The following CEMIP variants were observed in gnomAD, a reference collection of about 807,000 sequenced individuals.
CEMIP encodes the protein cell migration-inducing and hyaluronan-binding protein.
In CEMIP, 105 loss-of-function variants were observed where a neutral mutation model predicts 156.9. The observed-to-expected ratio is 0.67, with a 90% CI of 0.57 to 0.79. CEMIP has a LOEUF of 0.79. Ranked by LOEUF, CEMIP falls within the 30% of genes least tolerant of loss-of-function variation. CEMIP has a pLI of 0.00. For missense variants in CEMIP, 1,457 were observed against 1,769.4 expected, an observed-to-expected ratio of 0.82 and a Z score of 3.17; for synonymous variants, 676 against 668.4, an observed-to-expected ratio of 1.01 and a Z score of -0.17.
intron 19 of CEMIP, among the ~76,000 whole-genome samples, chr15:80,927,238 G>A (rs1900730555): frequency 6.6e-6 from 1 of 152,222 alleles, no homozygotes; most frequent in Non-Finnish European, 1.5e-5. Flanking sequence ...GGGGAAGGGG[G>A]CAGGGTTGTT....
At chr15:80,927,079 T>C (rs895855513) in intron 19 of CEMIP, among the ~76,000 whole-genome samples, 9 of 152,248 alleles carry the variant, frequency 5.9e-5, no homozygotes, top group African/African-American at 1.7e-4. Flanking sequence ...TTCGCCCGCC[T>C]TGGCCTCCCA....
At chr15:80,831,579 G>C (rs1197326933) in intron 1 of CEMIP, among the ~76,000 whole-genome samples, 1 of 152,164 alleles carries the variant, frequency 6.6e-6, no homozygotes, top group Admixed American at 6.5e-5. Flanking sequence ...AAGCCAATGG[G>C]TAGGGAAAGA....
chr15:80,842,553 G>T (rs1051172219), intron 1 of CEMIP, among the ~76,000 whole-genome samples: 2 of 152,226 alleles, frequency 1.3e-5, no homozygotes, highest in Admixed American at 6.5e-5. Context: ...CCAACATGGT[G>T]AAACCCCATC....
intron 1 of CEMIP, among the ~76,000 whole-genome samples, chr15:80,859,428 T>C (rs1458169726): frequency 1.3e-5 from 2 of 152,256 alleles, no homozygotes; most frequent in African/African-American, 2.4e-5. Flanking sequence ...AGACATCTAG[T>C]TCTGGGAGCA....
chr15:80,845,430 C>A (rs753156446), intron 1 of CEMIP, among the ~76,000 whole-genome samples: 34 of 151,882 alleles, frequency 2.2e-4, no homozygotes, highest in South Asian at 1.2e-3. Flanking sequence ...GACCCTATTT[C>A]AAAAAAAGTA....
At chr15:80,794,667 GGTAT>G (rs1896170078) in intron 1 of CEMIP, among the ~76,000 whole-genome samples, 1 of 152,106 alleles carries the variant, frequency 6.6e-6, no homozygotes, top group African/African-American at 2.4e-5. Context: ...CTTCAAAATT[GGTAT>G]GTATTTTCTG....
At chr15:80,854,058 C>T (rs1411911071) in intron 1 of CEMIP, among the ~76,000 whole-genome samples, 1 of 152,236 alleles carries the variant, frequency 6.6e-6, no homozygotes, top group Non-Finnish European at 1.5e-5. Context: ...GTTCAGATTC[C>T]AACCAGGCAC....
At chr15:80,938,093 C>G in intron 25 of CEMIP, 114 bp downstream of exon 25, 1 of 832,362 alleles carries the variant, frequency 1.2e-6, no homozygotes, top group South Asian at 1.4e-5. Context: ...ATGTAAGACA[C>G]CTTTCTAGGC....
At chr15:80,892,339 T>C (rs977088857) in intron 10 of CEMIP, among the ~76,000 whole-genome samples, 30 of 152,186 alleles carry the variant, frequency 2.0e-4, no homozygotes, top group African/African-American at 7.2e-4. Context: ...AGATCTGATA[T>C]TTTGTGATTC....
At chr15:80,862,009 C>G (rs1164031886) in intron 1 of CEMIP, among the ~76,000 whole-genome samples, 2 of 152,216 alleles carry the variant, frequency 1.3e-5, no homozygotes, top group Non-Finnish European at 2.9e-5. Context: ...GCCCAGGGAA[C>G]TGGGAATAAA....
In CEMIP at chr15:80,928,930, C is replaced by T; in HGVS notation, c.2449C>T (p.Leu817=). The T allele has an allele frequency of 1.2e-6, 2 of 1,614,232 alleles. No individual in the cohort carries two copies. The change falls in exon 20 of 30, where the codon CTG becomes TTG. Residue 817 remains leucine (L), a synonymous_variant. Coordinates refer to ENST00000394685, the MANE Select transcript of CEMIP (RefSeq NM_001293298.2). ...TGCTGACAATGGCATTGGCCTGACC[C>T]TGGCCAGGTAAGGGCAACTGTCATT... ...RFADNGIGLT[L]ASGGTFPYDD...
intron 12 of CEMIP, among the ~76,000 whole-genome samples, chr15:80,902,643 A>G (rs546264278): frequency 6.6e-5 from 10 of 152,296 alleles, no homozygotes; most frequent in African/African-American, 2.4e-4. Context: ...TGCAGCTCTC[A>G]ATCTGACTTA....
At chr15:80,908,424 C>G (rs1363402629) in intron 13 of CEMIP, among the ~76,000 whole-genome samples, 1 of 152,136 alleles carries the variant, frequency 6.6e-6, no homozygotes, top group Non-Finnish European at 1.5e-5. Flanking sequence ...GTTAGCTGAG[C>G]CTGACTTTTG....
intron 12 of CEMIP, chr15:80,900,906 C>T (rs1414559360): frequency 2.2e-6 from 1 of 455,510 alleles, no homozygotes; most frequent in Non-Finnish European, 4.4e-6. Context: ...CTGGGTCCTT[C>T]TTCCTCATTG....
rs972737330 is a variant in CEMIP, at chr15:80,932,407, CCA to C, written c.2793+371_2793+372del. ...GTTGGCACAAAGAATCTAACAAGCC[CCA>C]CAGTTTCCAAGGGAAGTCTTAGCTG... On this transcript the variant is annotated intron_variant, in intron 22 of 29. Transcript: ENST00000394685. This position sits in a 1 kb window ranked among gnomAD's most constrained non-coding sequence, Gnocchi z 4.5. Among the ~76,000 whole-genome samples the C allele has an allele frequency of 2.6e-5, 4 of 152,168 alleles. No individual in the cohort carries two copies. The highest frequency in any genetic ancestry group is 9.7e-5 in the African/African-American group (4 of 41,426).
At chr15:80,822,643 T>C (rs1896938322) in intron 1 of CEMIP, among the ~76,000 whole-genome samples, 1 of 152,208 alleles carries the variant, frequency 6.6e-6, no homozygotes, top group African/African-American at 2.4e-5. Flanking sequence ...CAATACCACA[T>C]TGAAAACAGT....
chr15:80,935,985 G>A (rs1258955194), intron 23 of CEMIP, among the ~76,000 whole-genome samples: 2 of 152,122 alleles, frequency 1.3e-5, no homozygotes, highest in Non-Finnish European at 2.9e-5. Context: ...TGATCCACCC[G>A]CCTCGGCCTC....
rs1209334195 is a variant in CEMIP at position 80,949,620 on chromosome 15, C to T, written c.*696C>T. 1 of 160,428 alleles carries T rather than the reference C, an allele frequency of 6.2e-6. No individual in the cohort carries two copies. Among genetic ancestry groups the T allele is most frequent in the Non-Finnish European group, 1.4e-5 (1 of 72,120 alleles). The allele number at this position is 160,428 out of a possible 1,614,324, so 9.9% of individuals were successfully genotyped here. Reference sequence around the variant, plus strand: ...TGGAACCCAACAGTTCATGGATATCCACTGATATCCATGATGCTGGGTGCC... The same window carrying T: ...TGGAACCCAACAGTTCATGGATATCTACTGATATCCATGATGCTGGGTGCC... On this transcript the variant is annotated 3_prime_UTR_variant, in exon 30 of 30. Coordinates refer to ENST00000394685, the MANE Select transcript of CEMIP (RefSeq NM_001293298.2).
At chr15:80,858,765 TCTC>T (rs960632405) in intron 1 of CEMIP, among the ~76,000 whole-genome samples, 1 of 152,140 alleles carries the variant, frequency 6.6e-6, no homozygotes, top group Non-Finnish European at 1.5e-5. Flanking sequence ...CATCTTTCCT[TCTC>T]CTTTTGGCTT....
Sources: allele counts gnomAD v4.1 joint callset (sites outside exome capture counted in the v4.1 genomes callset), GRCh38; gene constraint gnomAD v4.1.1; non-coding constraint Gnocchi (gnomAD v3.1); transcripts MANE v1.5; gene names NCBI Gene and HGNC (gene_info 2026-07-23, HGNC 2026-07-21).